EEF2: variants seen among roughly 807,000 people sequenced by gnomAD.
The protein encoded by EEF2 is elongation factor 2.
In EEF2, 21 loss-of-function variants were observed where a neutral mutation model predicts 85.3. That is an observed-to-expected ratio of 0.25 (90% CI 0.17 to 0.35). EEF2 has a LOEUF of 0.35. EEF2 is among the 10% of genes least tolerant of loss of function. The pLI, the probability that EEF2 is intolerant of heterozygous loss-of-function variation, is 1.00. For synonymous variants in EEF2, 723 were observed against 508.8 expected (o/e 1.42, Z -5.67); for missense variants, 825 against 1,225.3 (o/e 0.67, Z 4.88).
intron 11 of EEF2, 25 bp downstream of exon 11, chr19:3,979,304 G>A: frequency 6.3e-7 from 1 of 1,597,526 alleles, no homozygotes; most frequent in Non-Finnish European, 8.6e-7. Context: ...TGGGGCGTGG[G>A]GAAGGCTGGT....
Position 3,976,659 on chromosome 19 carries a change from G to T in EEF2, c.2472C>A (p.Pro824=). ...GGCTGGGGCGGCTGCTGTTGTCGAA[G>T]GGGTCTCCGGGCAGGATCTGCCAGT... ...FDHWQILPGD[P]FDNSSRPSQV... is the part of the protein sequence containing the mutation. Residue 824 remains proline, a synonymous_variant, in exon 15 of 15, where the codon CCC becomes CCA. Transcript: ENST00000309311. 6.2e-7 allele frequency: 1 copy of T among 1,609,346 alleles called. No individual in the cohort carries two copies. Among genetic ancestry groups the T allele is most frequent in the Middle Eastern group, 1.7e-4 (1 of 6,052 alleles).
intron 1 of EEF2, among the ~76,000 whole-genome samples, chr19:3,984,561 T>C (rs752606310): frequency 1.3e-5 from 2 of 152,220 alleles, no homozygotes; most frequent in African/African-American, 4.8e-5. Context: ...TCATTCATGA[T>C]TGACAACCCA....
chr19:3,981,941 A>G lies in EEF2; in HGVS notation c.897+6T>C, dbSNP rs1452099928. 8 of 1,613,090 alleles carry G rather than the reference A, an allele frequency of 5.0e-6. No individual in the cohort carries two copies. The Admixed American group carries it at 5.0e-5, about 10-fold the overall frequency. ...CGGCGGGGTGCCTGGCGCAGCCCTC[A>G]CTCACCTTGAAGATGGGGTCCAGGA... On this transcript the variant is annotated splice_donor_region_variant and intron_variant, in intron 6 of 14. Transcript: ENST00000309311.
In EEF2 at chr19:3,982,405, G is replaced by A. The variant is rs1202995707; in HGVS notation, c.632C>T (p.Thr211Ile). The A allele has an allele frequency of 6.2e-7, 1 of 1,614,122 alleles. No individual in the cohort carries two copies. The change falls in exon 5 of 15, where the codon ACC (threonine) becomes ATC (isoleucine). Residue 211 changes from threonine (T) to isoleucine (I), a missense_variant. Transcript: ENST00000309311. Reference protein sequence around the residue: ...GNIMIDPVLGTVGFGSGLHGW... With the variant: ...GNIMIDPVLGIVGFGSGLHGW... ...GTGGAGGCCAGACCCAAAGCCCACG[G>A]TACCGAGGACAGGATCGATCTGGAA...
intron 11 of EEF2, 37 bp from the exon 12 acceptor site, chr19:3,978,209 A>C (rs567219818): frequency 7.0e-7 from 1 of 1,429,120 alleles, no homozygotes. Context: ...TTGCCTGGAG[A>C]AAGAGGTGAC....
rs757833144 is a variant in EEF2, at chr19:3,977,184, G to A, written c.2383+31C>T. On this transcript the variant is annotated intron_variant, in intron 14 of 14. Transcript: ENST00000309311. This position sits in a 1 kb window ranked among gnomAD's most constrained non-coding sequence, Gnocchi z 5.4. Reference sequence around the variant, plus strand: ...TCTGTCCCCCAAACCAGCCTGCCAGGCTCTGCAGGCCACACCGGGCAGGCA... The same window carrying A: ...TCTGTCCCCCAAACCAGCCTGCCAGACTCTGCAGGCCACACCGGGCAGGCA... 91 of 1,604,908 alleles carry A rather than the reference G, an allele frequency of 5.7e-5. No individual in the cohort carries two copies. Among genetic ancestry groups the A allele is most frequent in the South Asian group, 9.9e-5 (9 of 90,604 alleles).
chr19:3,976,761 C>A lies in EEF2; in HGVS notation c.2384-14G>T. The A allele has an allele frequency of 6.5e-7, 1 of 1,539,404 alleles. No individual in the cohort carries two copies. Among genetic ancestry groups the A allele is most frequent in the Non-Finnish European group, 8.7e-7 (1 of 1,149,404 alleles). On this transcript the variant is annotated splice_polypyrimidine_tract_variant and intron_variant, in intron 14 of 14. Transcript: ENST00000309311. ...CAGCGGTGAAGCCTGCAGAGGGAAG[C>A]GAGAGGCTCACTGGGCCATCGAGAA...
At chr19:3,985,102 G>A (rs1473351408) in intron 1 of EEF2, 2 of 387,220 alleles carry the variant, frequency 5.2e-6, no homozygotes, top group African/African-American at 2.1e-5. Flanking sequence ...TACTACGCCT[G>A]CCACATCATC....
At position 3,985,412 on chromosome 19, in the gene EEF2, G is replaced by C; in HGVS notation, c.-32C>G. The C allele has an allele frequency of 1.3e-6, 2 of 1,488,706 alleles. No individual in the cohort carries two copies. Among genetic ancestry groups the C allele is most frequent in the South Asian group, 1.3e-5 (1 of 76,272 alleles). 92.2% of individuals were successfully genotyped at this position (1,488,706 alleles called of 1,614,324 possible). ...GGATGGCGGTGGATTCTCCCAGGTA[G>C]AACCGAAAGAAGCGAGTCGCGCCGA... On this transcript the variant is annotated 5_prime_UTR_variant, in exon 1 of 15. Coordinates refer to ENST00000309311, the MANE Select transcript of EEF2 (RefSeq NM_001961.4).
chr19:3,981,584 C>A (rs1456789808), intron 6 of EEF2, 132 bp from the exon 7 acceptor site: 5 of 851,920 alleles, frequency 5.9e-6, no homozygotes, highest in Non-Finnish European at 7.5e-6. Flanking sequence ...GCCTGGCCTG[C>A]CTACCACGGG....
At chr19:3,976,866 G>T in intron 14 of EEF2, 119 bp from the exon 15 acceptor site, 1 of 1,180,846 alleles carries the variant, frequency 8.5e-7, no homozygotes, top group Non-Finnish European at 1.2e-6. Flanking sequence ...CCAGACACTC[G>T]GCCTGGTGCC....
chr19:3,982,548 GA>G (rs1202891818), intron 4 of EEF2, 124 bp from the exon 5 acceptor site: 1 of 1,320,172 alleles, frequency 7.6e-7, no homozygotes, highest in African/African-American at 1.4e-5. Context: ...TGGTCAAAGT[GA>G]AGAAATGATC....
chr19:3,984,662 G>GT (rs2039797170), intron 1 of EEF2: 1 of 343,374 alleles, frequency 2.9e-6, no homozygotes, highest in Admixed American at 4.4e-5. Context: ...GGCCAAACAC[G>GT]TAAGGGATGA....
At position 3,980,692 on chromosome 19, in the gene EEF2, G is replaced by A. The variant is rs762878861; in HGVS notation, c.1168C>T (p.Pro390Ser). 11 of 1,613,632 alleles carry A rather than the reference G, an allele frequency of 6.8e-6. No individual in the cohort carries two copies. The highest frequency in any genetic ancestry group is 1.1e-5 in the South Asian group (1 of 91,082). Residue 390 changes from proline (P) to serine (S), a missense_variant, in exon 9 of 15, where the codon CCC becomes TCC. Pro to Ser is a moderately conservative substitution (Grantham distance 74). Transcript: ENST00000309311. ...ATATACATCATAAGAGGGCCTTTGG[G>A]GTCACAGCTTTTAATGCCTGAGGGA... ...EAAMGIKSCD[P>S]KGPLMMYISK...
At chr19:3,978,222 TAC>T (rs1491302536) in intron 11 of EEF2, 50 bp from the exon 12 acceptor site, 42 of 1,407,996 alleles carry the variant, frequency 3.0e-5, no homozygotes, top group Non-Finnish European at 3.7e-5. Flanking sequence ...GAGGTGACCT[TAC>T]ACACAGACGC....
Position 3,981,350 on chromosome 19 carries a change from G to T in EEF2, c.1000C>A (p.Pro334Thr). Residue 334 changes from proline (P) to threonine (T), a missense_variant, in exon 7 of 15, where the codon CCC becomes ACC. Transcript: ENST00000309311. The stretch of plus-strand genomic sequence containing the variant: ...GGCCCAGGCCGCACCTTCAGCAGGG[G>T]TTTGCCTTCTTTGTCCTTGTCCTCG... Reference protein sequence around the residue: ...DSEDKDKEGKPLLKAVMRRWL... With the variant: ...DSEDKDKEGKTLLKAVMRRWL... 6.2e-7 allele frequency: 1 copy of T among 1,614,208 alleles called. No homozygotes were observed. Among genetic ancestry groups the T allele is most frequent in the Non-Finnish European group, 8.5e-7 (1 of 1,180,012 alleles).
rs1252151598 is a variant in EEF2, at chr19:3,983,242, T to G, written c.268A>C (p.Lys90Gln). 1.2e-6 allele frequency: 2 copies of G among 1,613,794 alleles called. No individual in the cohort carries two copies. The highest frequency in any genetic ancestry group is 1.7e-5 in the Admixed American group (1 of 59,966). Residue 90 changes from lysine to glutamine, a missense_variant, in exon 3 of 15, where the codon AAG (lysine) becomes CAG (glutamine). Transcript: ENST00000309311. ...ELSENDLNFI[K>Q]QSKDGAGFLI... ...AAGCCGGCACCGTCCTTGCTCTGCT[T>G]GATGAAGTTCAAGTCATTCTCCGAG...
At chr19:3,984,022 GA>G in intron 2 of EEF2, 113 bp downstream of exon 2, 2 of 1,124,656 alleles carry the variant, frequency 1.8e-6, no homozygotes, top group Non-Finnish European at 2.6e-6. Flanking sequence ...CATGAATTAA[GA>G]AACCAGGGGA....
chr19:3,984,063 A>G (rs1199145163), intron 2 of EEF2, 73 bp downstream of exon 2: 3 of 1,541,010 alleles, frequency 1.9e-6, no homozygotes, highest in Non-Finnish European at 2.7e-6. Context: ...CTCCCCGCGC[A>G]CCCTGGCCCA....
Sources: allele counts gnomAD v4.1 joint callset (sites outside exome capture counted in the v4.1 genomes callset), GRCh38; gene constraint gnomAD v4.1.1; non-coding constraint Gnocchi (gnomAD v3.1); transcripts MANE v1.5; gene names NCBI Gene and HGNC (gene_info 2026-07-23, HGNC 2026-07-21).